Variants in NRXN1 observed in about 807,000 individuals in gnomAD.
NRXN1 encodes neurexin-1.
Under a neutral mutation model 150.9 loss-of-function variants are expected in NRXN1, and 39 were observed. The observed-to-expected ratio is 0.26, with a 90% CI of 0.20 to 0.34. The LOEUF (loss-of-function observed/expected upper bound fraction) is 0.34, where lower values mean the gene tolerates loss of function less well. Ranked by LOEUF, NRXN1 falls within the 10% of genes least tolerant of loss-of-function variation. The pLI is 1.00. For missense variants in NRXN1, 1,815 were observed against 1,949.9 expected, an observed-to-expected ratio of 0.93 and a Z score of 1.30; for synonymous variants, 924 against 757.0, an observed-to-expected ratio of 1.22 and a Z score of -3.62.
intron 8 of NRXN1, among the ~76,000 whole-genome samples, chr2:50,618,643 C>G (rs753265215): frequency 3.2e-4 from 48 of 151,892 alleles, no homozygotes; most frequent in Non-Finnish European, 6.3e-4. Flanking sequence ...AACTTACCTG[C>G]CTCAAACCTC....
chr2:50,705,323 T>G (rs1202618004), intron 5 of NRXN1, among the ~76,000 whole-genome samples: 1 of 152,174 alleles, frequency 6.6e-6, no homozygotes, highest in African/African-American at 2.4e-5. Flanking sequence ...TGGGTACGAT[T>G]CTATTGCTTT....
At chr2:50,043,692 G>C (rs1691366955) in intron 21 of NRXN1, among the ~76,000 whole-genome samples, 1 of 152,188 alleles carries the variant, frequency 6.6e-6, no homozygotes, top group Non-Finnish European at 1.5e-5. Context: ...TTTTTCTCAA[G>C]TGTGTTCCAG....
At chr2:50,342,477 T>C (rs1255431502) in intron 17 of NRXN1, among the ~76,000 whole-genome samples, 1 of 152,170 alleles carries the variant, frequency 6.6e-6, no homozygotes, top group Non-Finnish European at 1.5e-5. Context: ...ATTTCCCCAA[T>C]GTAGAGAATA....
Position 50,228,763 on chromosome 2 carries a change from T to G in NRXN1, c.3546+8026A>C, listed in dbSNP as rs1038474078. ...CCATTCTTTATTGGGCAGGAAGGAT[T>G]TAAGGGCTAAAATTCCAGGAAGAGC... On this transcript the variant is annotated intron_variant, in intron 18 of 22. Coordinates refer to ENST00000401669, the MANE Select transcript of NRXN1 (RefSeq NM_001330078.2). 5.9e-5 allele frequency among the ~76,000 whole-genome samples: 9 copies of G among 152,122 alleles called. No homozygotes were observed. In the East Asian group the frequency reaches 1.7e-3, roughly 30 times the overall value.
chr2:50,637,367 G>A (rs917047983), intron 5 of NRXN1, among the ~76,000 whole-genome samples: 1 of 152,026 alleles, frequency 6.6e-6, no homozygotes, highest in Non-Finnish European at 1.5e-5. Flanking sequence ...TATCTGAAGG[G>A]TAGTATAAAA....
intron 19 of NRXN1, among the ~76,000 whole-genome samples, chr2:50,083,671 C>G (rs751512292): frequency 6.6e-6 from 1 of 152,134 alleles, no homozygotes; most frequent in Non-Finnish European, 1.5e-5. Flanking sequence ...TCCTGCTGAT[C>G]GGTCCATTTT....
At chr2:50,599,432 C>T (rs1675873234) in intron 8 of NRXN1, among the ~76,000 whole-genome samples, 1 of 152,122 alleles carries the variant, frequency 6.6e-6, no homozygotes, top group Non-Finnish European at 1.5e-5. Context: ...GTTCAATGCT[C>T]AACTATTTTA....
At chr2:50,437,508 T>A (rs2085544731) in intron 17 of NRXN1, among the ~76,000 whole-genome samples, 1 of 152,230 alleles carries the variant, frequency 6.6e-6, no homozygotes, top group African/African-American at 2.4e-5. Flanking sequence ...TGAAAATAAT[T>A]TCAGTGTCAG....
Position 50,110,830 on chromosome 2 carries a change from T to C in NRXN1, c.3547-19336A>G, listed in dbSNP as rs538388817. ...ACATGTATTTCAGTACTTCACATTATTAGTTATAAAATTTTTCTATTGTTC... is the reference window on the plus strand; with the variant it reads ...ACATGTATTTCAGTACTTCACATTACTAGTTATAAAATTTTTCTATTGTTC... On this transcript the variant is annotated intron_variant, in intron 18 of 22. Transcript: ENST00000401669. Among the ~76,000 whole-genome samples, 30 of 152,148 alleles carry C rather than the reference T, an allele frequency of 2.0e-4. 1 individual carries two copies. The highest frequency in any genetic ancestry group is 1.9e-4 in the Non-Finnish European group (13 of 68,022).
chr2:50,930,251 G>A (rs1687543008), intron 2 of NRXN1, among the ~76,000 whole-genome samples: 1 of 152,014 alleles, frequency 6.6e-6, no homozygotes, highest in South Asian at 2.1e-4. Flanking sequence ...ACCGGATGCA[G>A]CAACACAGAT....
intron 5 of NRXN1, among the ~76,000 whole-genome samples, chr2:50,843,696 CATTGGT>C (rs1318576700): frequency 3.3e-5 from 5 of 152,182 alleles, no homozygotes. Flanking sequence ...TCATTGCTCT[CATTGGT>C]ATAACAACTA....
intron 18 of NRXN1, among the ~76,000 whole-genome samples, chr2:50,147,162 C>G (rs1228432492): frequency 6.6e-6 from 1 of 151,706 alleles, no homozygotes; most frequent in East Asian, 1.9e-4. Flanking sequence ...TTTCAGCAAG[C>G]ATTGCAGTTA....
At chr2:50,731,429 T>TTAAATCA (rs1698093805) in intron 5 of NRXN1, among the ~76,000 whole-genome samples, 1 of 152,188 alleles carries the variant, frequency 6.6e-6, no homozygotes, top group Non-Finnish European at 1.5e-5. Flanking sequence ...GGAAACATCT[T>TTAAATCA]GGTAAACAGA....
rs113192574 is a variant in NRXN1, at chr2:50,472,795, T to TTGTGTGTGTGTGTGTGTG, written c.3071-342_3071-325dup. On this transcript the variant is annotated intron_variant, in intron 15 of 22. Transcript: ENST00000401669. Reference sequence around the variant, plus strand: ...CTGGTTATTTGCAAGCCCTACAGCCTTGTGTGTGTGTGTGTGTGTGTGTGT... The same window carrying TTGTGTGTGTGTGTGTGTG: ...CTGGTTATTTGCAAGCCCTACAGCCTTGTGTGTGTGTGTGTGTGTGTGTGTGTGTGTGTGTGTGTGTGT... 1.8e-4 allele frequency among the ~76,000 whole-genome samples: 25 copies of TTGTGTGTGTGTGTGTGTG among 138,642 alleles called. 1 individual carries two copies. The highest frequency in any genetic ancestry group is 6.9e-4 in the African/African-American group (24 of 34,858). The allele number at this position is 138,642 out of a possible 152,430, so 91.0% of individuals were successfully genotyped here.
At chr2:50,463,492 G>A (rs1321634287) in intron 17 of NRXN1, among the ~76,000 whole-genome samples, 1 of 151,722 alleles carries the variant, frequency 6.6e-6, no homozygotes, top group Non-Finnish European at 1.5e-5. Flanking sequence ...ATGCTGATTT[G>A]TGCAAGAGGC....
chr2:50,675,050 C>T (rs375927126), intron 5 of NRXN1, among the ~76,000 whole-genome samples: 1 of 151,882 alleles, frequency 6.6e-6, no homozygotes, highest in Non-Finnish European at 1.5e-5. Flanking sequence ...TCTTCCCTCT[C>T]GCTCCTGCTC....
At chr2:50,400,024 T>C (rs1349760390) in intron 17 of NRXN1, among the ~76,000 whole-genome samples, 1 of 151,776 alleles carries the variant, frequency 6.6e-6, no homozygotes, top group Non-Finnish European at 1.5e-5. Flanking sequence ...GGTAGACGAG[T>C]ACAATTAACA....
intron 5 of NRXN1, among the ~76,000 whole-genome samples, chr2:50,813,348 T>C: frequency 6.6e-6 from 1 of 152,340 alleles, no homozygotes; most frequent in East Asian, 1.9e-4. Context: ...ATTAATTCTT[T>C]ATCTTTACTT....
At chr2:50,359,918 AC>A (rs1315213508) in intron 17 of NRXN1, among the ~76,000 whole-genome samples, 2 of 152,268 alleles carry the variant, frequency 1.3e-5, no homozygotes, top group East Asian at 1.9e-4. Flanking sequence ...CTCTGCAGAA[AC>A]CCTCCAAGCC....
Sources: allele counts gnomAD v4.1 joint callset (sites outside exome capture counted in the v4.1 genomes callset), GRCh38; gene constraint gnomAD v4.1.1; transcripts MANE v1.5; gene names NCBI Gene and HGNC (gene_info 2026-07-23, HGNC 2026-07-21).